Variants in LRBA observed in about 807,000 individuals in gnomAD.
The protein encoded by LRBA is LPS responsive beige-like anchor protein.
In LRBA, 176 loss-of-function variants were observed where a neutral mutation model predicts 330.0. The observed-to-expected ratio is 0.53, with a 90% confidence interval of 0.47 to 0.60. The LOEUF (loss-of-function observed/expected upper bound fraction) is 0.60. Ranked by LOEUF, LRBA falls within the 20% of genes least tolerant of loss-of-function variation. The pLI is 0.00. For synonymous variants in LRBA, 1,230 were observed against 1,193.0 expected, an observed-to-expected ratio of 1.03 and a Z score of -0.64; for missense variants, 3,259 against 3,444.8, an observed-to-expected ratio of 0.95 and a Z score of 1.35.
At chr4:150,624,523 T>G (rs1429064015) in intron 37 of LRBA, among the ~76,000 whole-genome samples, 3 of 152,122 alleles carry the variant, frequency 2.0e-5, no homozygotes, top group Non-Finnish European at 2.9e-5. Flanking sequence ...AGGAAAAACA[T>G]ATCAAACCTA....
rs756066153 is a variant in LRBA at position 150,849,531 on chromosome 4, T to C, written c.4049A>G (p.Asn1350Ser). The change falls in exon 25 of 57, where the codon AAT (asparagine) becomes AGT (serine). Residue 1350 changes from asparagine (N) to serine (S), a missense_variant. Transcript: ENST00000651943. ...TVMDFVNSSD[N>S]VIFVHNTIHL... The stretch of plus-strand genomic sequence containing the variant: ...AATTGTGTTGTGTACAAAGATGACA[T>C]TATCACTGCTATTCACGAAGTCCAT... 6.8e-6 allele frequency: 11 copies of C among 1,613,290 alleles called. No individual in the cohort carries two copies. The South Asian group carries it at 8.8e-5, about 13-fold the overall frequency.
At chr4:150,496,327 ACT>A (rs1312024514) in intron 40 of LRBA, among the ~76,000 whole-genome samples, 1 of 152,006 alleles carries the variant, frequency 6.6e-6, no homozygotes, top group Non-Finnish European at 1.5e-5. Flanking sequence ...TCCAAATAAA[ACT>A]CTTTTTTGTT....
intron 48 of LRBA, among the ~76,000 whole-genome samples, chr4:150,330,677 G>A (rs1202615300): frequency 1.3e-5 from 2 of 152,112 alleles, no homozygotes; most frequent in African/African-American, 4.8e-5. Flanking sequence ...TAGAGCTCAG[G>A]CAGTAATGCT....
At chr4:150,806,073 A>G (rs1742749624) in intron 33 of LRBA, among the ~76,000 whole-genome samples, 198 bp downstream of exon 33, 1 of 152,104 alleles carries the variant, frequency 6.6e-6, no homozygotes, top group Non-Finnish European at 1.5e-5. Context: ...TCTACGCTCC[A>G]TCCAAATCAC....
chr4:150,737,651 A>AC (rs1228669554), intron 35 of LRBA, among the ~76,000 whole-genome samples: 1 of 152,048 alleles, frequency 6.6e-6, no homozygotes, highest in Non-Finnish European at 1.5e-5. Context: ...AAAAAAGAGT[A>AC]TTTTTCTGAA....
intron 33 of LRBA, among the ~76,000 whole-genome samples, chr4:150,799,625 C>T (rs774939043): frequency 3.3e-5 from 5 of 152,218 alleles, no homozygotes; most frequent in Non-Finnish European, 7.3e-5. Flanking sequence ...TTTTATTATA[C>T]ATCTCTTCAG....
At position 150,638,768 on chromosome 4, in the gene LRBA, G is replaced by C. The variant is rs1449347584; in HGVS notation, c.5922-39637C>G. Among the ~76,000 whole-genome samples the C allele has an allele frequency of 3.2e-5, 4 of 123,876 alleles. No homozygotes were observed. In the Admixed American group the frequency reaches 3.5e-4, roughly 11 times the overall value. 81.3% of individuals were successfully genotyped at this position (123,876 alleles called of 152,430 possible). On this transcript the variant is annotated intron_variant, in intron 37 of 56. Coordinates refer to ENST00000651943, the MANE Select transcript of LRBA (RefSeq NM_001364905.1). ...ACACTGTTGGTGGGACTGTAAACTA[G>C]TTCAACCATTGTGGAAGTCAGTGTG...
chr4:150,813,113 G>A (rs964302967), intron 31 of LRBA, among the ~76,000 whole-genome samples: 2 of 149,146 alleles, frequency 1.3e-5, no homozygotes, highest in East Asian at 2.0e-4. Flanking sequence ...AGCTATGATT[G>A]TGCCACTGCA....
intron 21 of LRBA, 55 bp downstream of exon 21, chr4:150,868,127 C>T: frequency 6.6e-7 from 1 of 1,526,244 alleles, no homozygotes; most frequent in Non-Finnish European, 8.8e-7. Flanking sequence ...ATAAAATGGG[C>T]TTATACAAAA....
At chr4:150,695,659 C>T (rs768345901) in intron 36 of LRBA, among the ~76,000 whole-genome samples, 4 of 152,072 alleles carry the variant, frequency 2.6e-5, no homozygotes, top group Admixed American at 6.6e-5. Context: ...GAACCAATTC[C>T]GCATGGATCC....
intron 34 of LRBA, among the ~76,000 whole-genome samples, chr4:150,769,165 G>C (rs566150335): frequency 6.6e-6 from 1 of 151,818 alleles, no homozygotes; most frequent in South Asian, 2.1e-4. Context: ...GGCTGGTCTC[G>C]AACTCCTGAC....
At chr4:150,494,046 T>G (rs1759275113) in intron 40 of LRBA, among the ~76,000 whole-genome samples, 1 of 151,998 alleles carries the variant, frequency 6.6e-6, no homozygotes, top group South Asian at 2.1e-4. Context: ...ATTGCGCCAC[T>G]GCACTCCAGC....
In LRBA at chr4:150,471,620, T is replaced by C. The variant is rs1756140461; in HGVS notation, c.6667+4A>G. 2.0e-6 allele frequency: 3 copies of C among 1,480,896 alleles called. No homozygotes were observed. The highest frequency in any genetic ancestry group is 4.0e-5 in the Admixed American group (2 of 50,040). The allele number at this position is 1,480,896 out of a possible 1,614,324, so 91.7% of individuals were successfully genotyped here. A position where few individuals can be genotyped will look rare whatever the true frequency, so the allele number is the denominator to read the frequency against. ...AAATAAATCAATACATGGAATTAGGTTACCTGCTATCGTGTTGAGAAACAT... is the reference window on the plus strand; with the variant it reads ...AAATAAATCAATACATGGAATTAGGCTACCTGCTATCGTGTTGAGAAACAT... On this transcript the variant is annotated splice_donor_region_variant and intron_variant, in intron 43 of 56. Transcript: ENST00000651943.
At position 150,282,473 on chromosome 4, in the gene LRBA, T is replaced by A; in HGVS notation, c.8293A>T (p.Met2765Leu). Reference protein sequence around the residue: ...FSVNGKLQATMETDDNIRAIQ... With the variant: ...FSVNGKLQATLETDDNIRAIQ... ...ACTCTTATGTTATCATCTGTTTCCA[T>A]CGTGGCCTGGAGTTTTCCATTCACA... The change falls in exon 55 of 57, where the codon ATG becomes TTG. Residue 2765 changes from methionine (M) to leucine (L), a missense_variant. By Grantham distance (15) the Met-to-Leu change is conservative. Coordinates refer to ENST00000651943, the MANE Select transcript of LRBA (RefSeq NM_001364905.1). 2.5e-6 allele frequency: 4 copies of A among 1,614,174 alleles called. No individual in the cohort carries two copies. Among genetic ancestry groups the A allele is most frequent in the Non-Finnish European group, 2.5e-6 (3 of 1,180,004 alleles).
intron 17 of LRBA, among the ~76,000 whole-genome samples, chr4:150,884,897 A>G (rs1380740379): frequency 6.6e-6 from 1 of 152,162 alleles, no homozygotes; most frequent in Non-Finnish European, 1.5e-5. Context: ...ATTATATTCA[A>G]TAAATGAAAA....
intron 38 of LRBA, among the ~76,000 whole-genome samples, chr4:150,598,296 A>G (rs1773725374): frequency 6.6e-6 from 1 of 152,160 alleles, no homozygotes; most frequent in South Asian, 2.1e-4. Context: ...AAATCATAAA[A>G]TAAGTGAAAT....
At chr4:150,279,467 G>C (rs1019268097) in intron 55 of LRBA, among the ~76,000 whole-genome samples, 1 of 152,178 alleles carries the variant, frequency 6.6e-6, no homozygotes, top group Non-Finnish European at 1.5e-5. Flanking sequence ...AGATTGTGCT[G>C]GCAAGCCAGA....
At chr4:150,565,857 C>T (rs1319893691) in intron 40 of LRBA, among the ~76,000 whole-genome samples, 1 of 152,116 alleles carries the variant, frequency 6.6e-6, no homozygotes, top group Non-Finnish European at 1.5e-5. Context: ...AAGCTAACTA[C>T]TATTCACATA....
rs533011252 is a variant in LRBA at position 150,363,454 on chromosome 4, G to A, written c.7195-13295C>T. 2.0e-5 allele frequency among the ~76,000 whole-genome samples: 3 copies of A among 151,838 alleles called. No homozygotes were observed. The South Asian group carries it at 6.3e-4, about 32-fold the overall frequency. On this transcript the variant is annotated intron_variant, in intron 47 of 56. Transcript: ENST00000651943. ...CATGGTAATCTTGCTACTCCTTCAT[G>A]GTATATATACAAGTATATTTATTAT... is the stretch of plus-strand genomic sequence containing the variant.
Sources: allele counts gnomAD v4.1 joint callset (sites outside exome capture counted in the v4.1 genomes callset), GRCh38; gene constraint gnomAD v4.1.1; transcripts MANE v1.5; gene names NCBI Gene and HGNC (gene_info 2026-07-23, HGNC 2026-07-21).